The following GLI2 variants were observed in gnomAD, a reference collection of about 807,000 sequenced individuals.
The protein encoded by GLI2 is GLI family zinc finger 2.
GLI2 carries 22 observed loss-of-function variants against 78.9 expected under a neutral mutation model. That is an observed-to-expected ratio of 0.28 (90% confidence interval 0.20 to 0.40). The LOEUF is 0.40. Ranked by LOEUF, GLI2 falls within the 10% of genes least tolerant of loss-of-function variation. The pLI is 1.00. For missense variants in GLI2, 2,097 were observed against 2,213.2 expected (o/e 0.95, Z 1.05); for synonymous variants, 974 against 963.7 (o/e 1.01, Z -0.20).
intron 10 of GLI2, 139 bp downstream of exon 10, chr2:120,978,722 C>T: frequency 1.1e-6 from 1 of 928,482 alleles, no homozygotes; most frequent in Non-Finnish European, 1.7e-6. Context: ...GGACAGGAGC[C>T]TGTTCCCACC....
chr2:120,915,670 G>A (rs1679063743), intron 2 of GLI2, among the ~76,000 whole-genome samples: 1 of 152,144 alleles, frequency 6.6e-6, no homozygotes, highest in African/African-American at 2.4e-5. Flanking sequence ...CTGGGCTCAC[G>A]TGGCTGAAGG....
intron 1 of GLI2, among the ~76,000 whole-genome samples, chr2:120,752,175 T>C (rs1682892195): frequency 6.6e-6 from 1 of 152,222 alleles, no homozygotes; most frequent in African/African-American, 2.4e-5. Context: ...TTTGTGGTCA[T>C]TTAGCAATAT....
chr2:120,988,246 G>A lies in GLI2; in HGVS notation c.2281G>A (p.Gly761Arg). The A allele has an allele frequency of 1.9e-6, 3 of 1,573,212 alleles. No homozygotes were observed. Among genetic ancestry groups the A allele is most frequent in the Non-Finnish European group, 2.6e-6 (3 of 1,164,768 alleles). ...AAACTTCAGTGGCAGTGGGGGCGGC[G>A]GGCCCGCGGGGCTGCTGCCGAACCC... ...LENFSGSGGG[G>R]PAGLLPNPRL... is the part of the protein sequence containing the mutation. The change falls in exon 14 of 14, where the codon GGG becomes AGG. Residue 761 changes from glycine (G) to arginine (R), a missense_variant. By Grantham distance (125) the Gly-to-Arg change is moderately radical (BLOSUM62 -2). Transcript: ENST00000361492.
chr2:120,742,164 A>G (rs1180179594), intron 1 of GLI2, among the ~76,000 whole-genome samples: 1 of 152,232 alleles, frequency 6.6e-6, no homozygotes. Flanking sequence ...AGGCATCTGC[A>G]GACAGTAATC....
chr2:120,876,155 C>A (rs551148922), intron 2 of GLI2, among the ~76,000 whole-genome samples: 38 of 152,216 alleles, frequency 2.5e-4, no homozygotes, highest in Non-Finnish European at 4.7e-4. Context: ...TCCTGGCTAA[C>A]GCGGTGAAAC....
intron 2 of GLI2, among the ~76,000 whole-genome samples, chr2:120,869,206 G>A (rs1441944297): frequency 6.6e-6 from 1 of 152,154 alleles, no homozygotes; most frequent in African/African-American, 2.4e-5. Flanking sequence ...GCAACCTGGG[G>A]CACACTTCCC....
intron 1 of GLI2, among the ~76,000 whole-genome samples, chr2:120,795,547 AAC>A (rs1558799705): frequency 1.3e-5 from 2 of 151,716 alleles, no homozygotes; most frequent in Non-Finnish European, 2.9e-5. Context: ...AAAAAAAAAA[AAC>A]AACATAAAAC....
rs146508626 is a variant in GLI2, at chr2:120,986,460, C to T, written c.2088C>T (p.Ser696=). 123 of 1,614,020 alleles carry T rather than the reference C, an allele frequency of 7.6e-5. 3 individuals carry two copies. The South Asian group carries it at 1.2e-3, about 16-fold the overall frequency. ...ACACCTCAGCCCTGGCTGCCCCCTCCGCTGGTGGCCTCCAGCTGCGCAAAC... is the reference window on the plus strand; with the variant it reads ...ACACCTCAGCCCTGGCTGCCCCCTCTGCTGGTGGCCTCCAGCTGCGCAAAC... The part of the protein sequence containing the change: ...GADTSALAAP[S]AGGLQLRKHM... Residue 696 remains serine (S), a synonymous_variant, in exon 13 of 14, where the codon TCC becomes TCT. Coordinates refer to ENST00000361492, the MANE Select transcript of GLI2 (RefSeq NM_001374353.1).
At chr2:120,901,045 C>T (rs190458083) in intron 2 of GLI2, among the ~76,000 whole-genome samples, 11 of 152,168 alleles carry the variant, frequency 7.2e-5, no homozygotes, top group South Asian at 2.1e-4. Flanking sequence ...TACTTACCCT[C>T]GCCCCCACTT....
chr2:120,948,715 AG>A (rs1558906377), intron 3 of GLI2, among the ~76,000 whole-genome samples: 1 of 152,122 alleles, frequency 6.6e-6, no homozygotes, highest in Non-Finnish European at 1.5e-5. Flanking sequence ...TGGCTATCGC[AG>A]GGGGCCTCAG....
At position 120,749,015 on chromosome 2, in the gene GLI2, G is replaced by A. The variant is rs112068340; in HGVS notation, c.-31+12730G>A. On this transcript the variant is annotated intron_variant, in intron 1 of 13. Transcript: ENST00000361492. ...TTCATTGACTGCAAGGATTTTAAAG[G>A]CCTTTGCTGTTGGTCTTTGGTGTAC... Among the ~76,000 whole-genome samples the A allele has an allele frequency of 1.0e-3, 159 of 152,016 alleles. 1 individual carries two copies. Among genetic ancestry groups the A allele is most frequent in the African/African-American group, 3.6e-3 (149 of 41,438 alleles).
intron 2 of GLI2, among the ~76,000 whole-genome samples, chr2:120,833,401 C>T (rs1686461404): frequency 6.6e-6 from 1 of 152,126 alleles, no homozygotes; most frequent in African/African-American, 2.4e-5. Flanking sequence ...GGATCTATAC[C>T]AAGTTCTGGG....
At chr2:120,982,985 C>A in intron 11 of GLI2, 105 bp downstream of exon 11, 1 of 1,047,344 alleles carries the variant, frequency 9.5e-7, no homozygotes, top group Non-Finnish European at 1.4e-6. Context: ...CCCCATGTCC[C>A]GCCCCCGCCA....
At chr2:120,968,430 C>T (rs1429637428) in intron 5 of GLI2, among the ~76,000 whole-genome samples, 1 of 152,200 alleles carries the variant, frequency 6.6e-6, no homozygotes, top group South Asian at 2.1e-4. Context: ...TCTCTGCACC[C>T]AGTGGTAAAT....
chr2:120,943,356 T>A (rs1680555683), intron 3 of GLI2, among the ~76,000 whole-genome samples: 1 of 152,090 alleles, frequency 6.6e-6, no homozygotes. Context: ...GAGGCAAGCA[T>A]GGCCAAGGAC....
At chr2:120,815,672 C>G (rs901297708) in intron 2 of GLI2, among the ~76,000 whole-genome samples, 6 of 152,158 alleles carry the variant, frequency 3.9e-5, no homozygotes. Context: ...GGAGGGCTAC[C>G]CAAATGCCCT....
chr2:120,825,960 A>G (rs1686035635), intron 2 of GLI2, among the ~76,000 whole-genome samples: 1 of 152,242 alleles, frequency 6.6e-6, no homozygotes, highest in African/African-American at 2.4e-5. Context: ...GTGGCCCAGC[A>G]GTGTCCCAGG....
intron 3 of GLI2, among the ~76,000 whole-genome samples, chr2:120,937,470 A>G (rs527643132): frequency 2.3e-4 from 35 of 152,262 alleles, no homozygotes; most frequent in East Asian, 1.4e-3. Flanking sequence ...AAATTGGCCA[A>G]TGACAGGGTG....
intron 2 of GLI2, among the ~76,000 whole-genome samples, chr2:120,812,102 A>G (rs1337711455): frequency 9.2e-5 from 14 of 152,166 alleles, no homozygotes; most frequent in Admixed American, 9.2e-4. Flanking sequence ...AGACAGGAAC[A>G]CTTTTCCCAG....
Sources: allele counts gnomAD v4.1 joint callset (sites outside exome capture counted in the v4.1 genomes callset), GRCh38; gene constraint gnomAD v4.1.1; transcripts MANE v1.5; gene names NCBI Gene and HGNC (gene_info 2026-07-23, HGNC 2026-07-21).